GPHN: variants seen among roughly 807,000 people sequenced by gnomAD.
GPHN encodes gephyrin.
Under a neutral mutation model 95.5 loss-of-function variants are expected in GPHN, and 17 were observed. That is an observed-to-expected ratio of 0.18 (90% CI 0.12 to 0.27). GPHN has a LOEUF of 0.27. GPHN is among the 10% of genes least tolerant of loss of function. GPHN has a pLI of 1.00. For synonymous variants in GPHN, 320 were observed against 322.5 expected, an observed-to-expected ratio of 0.99 and a Z score of 0.08; for missense variants, 660 against 978.1, an observed-to-expected ratio of 0.67 and a Z score of 4.34.
intron 17 of GPHN, among the ~76,000 whole-genome samples, chr14:67,135,092 G>A (rs1000031806): frequency 2.0e-5 from 3 of 149,172 alleles, no homozygotes; most frequent in Admixed American, 6.7e-5. Flanking sequence ...CCTGAGTAAC[G>A]GGCATTACGG....
At chr14:67,249,510 C>T in the GPHN span, among the ~76,000 whole-genome samples, 1 of 152,138 alleles carries the variant, frequency 6.6e-6, no homozygotes, top group Non-Finnish European at 1.5e-5. Flanking sequence ...CTTTTTGTTT[C>T]AAGACTGCAC....
At chr14:66,647,747 G>A (rs1029890827) in intron 1 of GPHN, among the ~76,000 whole-genome samples, 2 of 152,058 alleles carry the variant, frequency 1.3e-5, no homozygotes, top group Non-Finnish European at 2.9e-5. Context: ...GACATCAGTT[G>A]ATCATAAGTA....
the GPHN span, among the ~76,000 whole-genome samples, chr14:67,422,241 TA>T: frequency 6.6e-6 from 1 of 152,170 alleles, no homozygotes; most frequent in Non-Finnish European, 1.5e-5. Context: ...ACATTCAAAC[TA>T]GCCAGTCCAA....
At chr14:67,204,429 G>A in the GPHN span, 1 of 1,381,216 alleles carries the variant, frequency 7.2e-7, no homozygotes, top group African/African-American at 1.5e-5. Context: ...GCAACAGAGT[G>A]AGAACTTGTC....
chr14:66,771,660 C>T (rs922654013), intron 2 of GPHN, among the ~76,000 whole-genome samples: 2 of 151,794 alleles, frequency 1.3e-5, no homozygotes, highest in East Asian at 1.9e-4. Flanking sequence ...GTGCCATGCT[C>T]GTGTGCTGCA....
rs1193316312 is a variant in GPHN at position 66,543,685 on chromosome 14, G to A, written c.64+35094G>A. ...GTAAATGTCTACTCTTTTTCTAGTT[G>A]GGGCTATCCTTGAGACTTCTCTTGC... On this transcript the variant is annotated intron_variant, in intron 1 of 22. Transcript: ENST00000478722. Among the ~76,000 whole-genome samples the A allele has an allele frequency of 6.6e-5, 10 of 152,066 alleles. No homozygotes were observed. The East Asian group carries it at 1.7e-3, about 26-fold the overall frequency.
At chr14:67,560,899 T>C in the GPHN span, among the ~76,000 whole-genome samples, 1 of 152,158 alleles carries the variant, frequency 6.6e-6, no homozygotes, top group South Asian at 2.1e-4. Context: ...CCTGGCTAAT[T>C]TTTGTACTTT....
At chr14:66,622,982 A>C (rs185721101) in intron 1 of GPHN, among the ~76,000 whole-genome samples, 38 of 152,054 alleles carry the variant, frequency 2.5e-4, no homozygotes, top group African/African-American at 8.7e-4. Flanking sequence ...ACCCCATTCT[A>C]CTGGTACCAA....
chr14:66,523,481 G>A (rs1318353531), intron 1 of GPHN, among the ~76,000 whole-genome samples: 1 of 152,052 alleles, frequency 6.6e-6, no homozygotes, highest in African/African-American at 2.4e-5. Context: ...TTAAAATAAA[G>A]CTGTTGTAAA....
the GPHN span, among the ~76,000 whole-genome samples, chr14:67,686,546 G>T: frequency 6.7e-6 from 1 of 149,750 alleles, no homozygotes; most frequent in African/African-American, 2.5e-5. Context: ...GGCTGAGGCA[G>T]GAGAATGACT....
chr14:67,659,714 A>G, the GPHN span: 1 of 1,573,390 alleles, frequency 6.4e-7, no homozygotes, highest in Non-Finnish European at 8.6e-7. Context: ...AAAACAAACA[A>G]AACAGCTAAA....
the GPHN span, chr14:67,340,483 T>TA: frequency 6.2e-7 from 1 of 1,613,766 alleles, no homozygotes. Context: ...TCTGTGATGA[T>TA]ATAAGCAAGA....
At chr14:66,552,987 T>C (rs555306239) in intron 1 of GPHN, among the ~76,000 whole-genome samples, 52 of 151,736 alleles carry the variant, frequency 3.4e-4, no homozygotes, top group African/African-American at 1.1e-3. Flanking sequence ...TTTTTTCTTT[T>C]CTTTTCTTTT....
chr14:66,597,846 G>A (rs781048705), intron 1 of GPHN, among the ~76,000 whole-genome samples: 5 of 152,138 alleles, frequency 3.3e-5, no homozygotes, highest in South Asian at 2.1e-4. Flanking sequence ...TCATTGTGGC[G>A]TTATTTCCAA....
chr14:66,755,161 G>C (rs1026097899), intron 2 of GPHN, among the ~76,000 whole-genome samples: 1 of 152,070 alleles, frequency 6.6e-6, no homozygotes, highest in African/African-American at 2.4e-5. Flanking sequence ...AAGGTATAGA[G>C]AGTATCGGTT....
chr14:67,293,840 C>T, the GPHN span, among the ~76,000 whole-genome samples: 1 of 152,036 alleles, frequency 6.6e-6, no homozygotes, highest in South Asian at 2.1e-4. Context: ...AAGGTTTGTC[C>T]AGCTGGCTAC....
the GPHN span, among the ~76,000 whole-genome samples, chr14:67,621,585 A>G: frequency 6.6e-6 from 1 of 151,690 alleles, no homozygotes; most frequent in Non-Finnish European, 1.5e-5. Flanking sequence ...AGCTGGAATT[A>G]CAGGTGCGTG....
the GPHN span, among the ~76,000 whole-genome samples, chr14:67,561,286 A>C: frequency 6.6e-6 from 1 of 152,168 alleles, no homozygotes; most frequent in African/African-American, 2.4e-5. Flanking sequence ...AGTGGCTCAC[A>C]CCTGTAGTCC....
chr14:67,650,421 GCCTTTT>G, the GPHN span: 2 of 387,008 alleles, frequency 5.2e-6, no homozygotes, highest in African/African-American at 2.0e-5. Context: ...CCAACACCAA[GCCTTTT>G]CCTTTTCCAG....
Sources: gnomAD v4.1 joint callset for allele counts (sites outside exome capture counted in the v4.1 genomes callset) on GRCh38, gnomAD v4.1.1 for gene constraint, MANE v1.5 for transcripts, NCBI Gene and HGNC (gene_info 2026-07-23, HGNC 2026-07-21) for gene names.